The following TAOK1 variants were observed in gnomAD, a reference collection of about 807,000 sequenced individuals.
The protein encoded by TAOK1 is serine/threonine-protein kinase TAO1.
In TAOK1, 21 loss-of-function variants were observed where a neutral mutation model predicts 138.3. That is an observed-to-expected ratio of 0.15 (90% CI 0.11 to 0.22). The LOEUF (loss-of-function observed/expected upper bound fraction) is 0.22. Ranked by LOEUF, TAOK1 falls within the 10% of genes least tolerant of loss-of-function variation. The probability of loss-of-function intolerance (pLI) is 1.00; values close to 1 mark genes in which losing one functional copy is unlikely to be tolerated. For missense variants in TAOK1, 651 were observed against 1,227.7 expected (o/e 0.53, Z 7.02); for synonymous variants, 361 against 398.4 (o/e 0.91, Z 1.12).
intron 6 of TAOK1, among the ~76,000 whole-genome samples, chr17:29,478,717 A>G (rs1272832621): frequency 6.6e-6 from 1 of 152,174 alleles, no homozygotes; most frequent in African/African-American, 2.4e-5. Flanking sequence ...CTAATTTCCT[A>G]AAGGTTGCAA....
rs2032416461 is a variant in TAOK1 at position 29,547,236 on chromosome 17, T to G, written c.*4214T>G. 6.6e-6 allele frequency: 1 copy of G among 152,120 alleles called. No homozygotes were observed. The highest frequency in any genetic ancestry group is 1.5e-5 in the Non-Finnish European group (1 of 67,996). The allele number at this position is 152,120 out of a possible 1,614,324, so 9.4% of individuals were successfully genotyped here. ...TTTTTTACTCCATTAATACTAATAA[T>G]TATATACTTTGCTGAGGATCAAAAC... On this transcript the variant is annotated 3_prime_UTR_variant, in exon 20 of 20. Coordinates refer to ENST00000261716, the MANE Select transcript of TAOK1 (RefSeq NM_020791.4).
intron 17 of TAOK1, among the ~76,000 whole-genome samples, chr17:29,522,777 T>C (rs1456408427): frequency 1.3e-5 from 2 of 152,110 alleles, no homozygotes; most frequent in African/African-American, 4.8e-5. Flanking sequence ...AGATTCTTGT[T>C]TTAAACTTAT....
chr17:29,437,281 C>G (rs374531112), intron 1 of TAOK1, among the ~76,000 whole-genome samples: 10 of 152,210 alleles, frequency 6.6e-5, no homozygotes, highest in African/African-American at 2.2e-4. Flanking sequence ...CCAGGCTGGT[C>G]TCAAGCTCCT....
At position 29,550,842 on chromosome 17, in the gene TAOK1, C is replaced by A. The variant is rs1200138167; in HGVS notation, c.*7820C>A. 6.6e-6 allele frequency: 1 copy of A among 152,490 alleles called. No homozygotes were observed. The highest frequency in any genetic ancestry group is 6.6e-5 in the Admixed American group (1 of 15,266). 9.4% of individuals were successfully genotyped at this position (152,490 alleles called of 1,614,324 possible). On this transcript the variant is annotated 3_prime_UTR_variant, in exon 20 of 20. Coordinates refer to ENST00000261716, the MANE Select transcript of TAOK1 (RefSeq NM_020791.4). ...AAGAAAGAAATTAGTACATCATTTT[C>A]TCTGGATTTTCTTCACTTCCCTCTT...
At chr17:29,420,978 G>A (rs1161905237) in intron 1 of TAOK1, among the ~76,000 whole-genome samples, 1 of 151,818 alleles carries the variant, frequency 6.6e-6, no homozygotes, top group Non-Finnish European at 1.5e-5. Flanking sequence ...CATCTAGGCT[G>A]GAGTGCAGTG....
At chr17:29,419,608 C>A (rs924251369) in intron 1 of TAOK1, among the ~76,000 whole-genome samples, 38 of 151,620 alleles carry the variant, frequency 2.5e-4, no homozygotes, top group African/African-American at 9.2e-4. Flanking sequence ...TTCTCCACCT[C>A]AACCTCCTAA....
intron 19 of TAOK1, among the ~76,000 whole-genome samples, chr17:29,541,515 T>C (rs2032316660): frequency 1.3e-5 from 2 of 151,346 alleles, no homozygotes; most frequent in Non-Finnish European, 2.9e-5. Context: ...TTATCTCAAA[T>C]CCTCAATCCC....
intron 1 of TAOK1, among the ~76,000 whole-genome samples, chr17:29,392,870 T>C (rs113658571): frequency 6.6e-6 from 1 of 152,222 alleles, no homozygotes; most frequent in African/African-American, 2.4e-5. Context: ...TTTGTTGCAT[T>C]TTGAAACCTG....
At position 29,545,395 on chromosome 17, in the gene TAOK1, G is replaced by C. The variant is rs151157580; in HGVS notation, c.*2373G>C. On this transcript the variant is annotated 3_prime_UTR_variant, in exon 20 of 20. Coordinates refer to ENST00000261716, the MANE Select transcript of TAOK1 (RefSeq NM_020791.4). ...ACTGGATGGGTGGAATAGGGAAGCA[G>C]ATCACTTTTGCATACAAAAACTCTT... 10 of 152,284 alleles carry C rather than the reference G, an allele frequency of 6.6e-5. No homozygotes were observed. The highest frequency in any genetic ancestry group is 8.8e-5 in the Non-Finnish European group (6 of 68,018). 9.4% of individuals were successfully genotyped at this position (152,284 alleles called of 1,614,324 possible). A position where few individuals can be genotyped will look rare whatever the true frequency, so the allele number is the denominator to read the frequency against.
intron 6 of TAOK1, among the ~76,000 whole-genome samples, chr17:29,479,751 C>A (rs1404175350): frequency 2.0e-5 from 3 of 151,978 alleles, no homozygotes; most frequent in African/African-American, 7.2e-5. Flanking sequence ...GATGGACAGT[C>A]TTATTATATA....
chr17:29,526,224 A>G (rs1334144221), intron 17 of TAOK1, among the ~76,000 whole-genome samples: 3 of 151,950 alleles, frequency 2.0e-5, no homozygotes, highest in East Asian at 3.9e-4. Context: ...GGTGGAGGTT[A>G]CGGTGAGCCA....
At chr17:29,453,380 C>G (rs995006049) in intron 2 of TAOK1, among the ~76,000 whole-genome samples, 1 of 151,822 alleles carries the variant, frequency 6.6e-6, no homozygotes, top group Admixed American at 6.6e-5. Context: ...AAGATGGTCT[C>G]GATCTCCTAT....
intron 18 of TAOK1, 134 bp from the exon 19 acceptor site, chr17:29,533,984 A>G: frequency 2.2e-6 from 2 of 904,178 alleles, no homozygotes; most frequent in Non-Finnish European, 3.1e-6. Context: ...ACTCCAAGAT[A>G]CAAGAGAGAA....
At chr17:29,483,242 T>G (rs1227777616) in intron 8 of TAOK1, among the ~76,000 whole-genome samples, 1 of 152,026 alleles carries the variant, frequency 6.6e-6, no homozygotes, top group Non-Finnish European at 1.5e-5. Flanking sequence ...CACACCAGGC[T>G]AATTTTTGTA....
At chr17:29,492,752 A>G (rs994920702) in intron 10 of TAOK1, among the ~76,000 whole-genome samples, 1 of 152,164 alleles carries the variant, frequency 6.6e-6, no homozygotes, top group Admixed American at 6.5e-5. Flanking sequence ...AGATTGCACC[A>G]TTGCACTCCA....
At chr17:29,429,396 C>G (rs1051944949) in intron 1 of TAOK1, among the ~76,000 whole-genome samples, 4 of 151,894 alleles carry the variant, frequency 2.6e-5, no homozygotes, top group African/African-American at 9.7e-5. Context: ...GTGTCTCAGC[C>G]TCCCAAGTAG....
At chr17:29,431,455 T>TA (rs935641786) in intron 1 of TAOK1, among the ~76,000 whole-genome samples, 10 of 150,524 alleles carry the variant, frequency 6.6e-5, no homozygotes, top group African/African-American at 1.5e-4. Context: ...ATAAATAAAT[T>TA]AAAAAAAAAC....
At chr17:29,495,768 T>C in intron 11 of TAOK1, 41 bp downstream of exon 11, 1 of 1,461,308 alleles carries the variant, frequency 6.8e-7, no homozygotes, top group South Asian at 1.6e-5. Context: ...AATTTTCACT[T>C]TTGGTTTCTT....
chr17:29,407,910 C>T (rs1315594869), intron 1 of TAOK1, among the ~76,000 whole-genome samples: 1 of 152,108 alleles, frequency 6.6e-6, no homozygotes, highest in Non-Finnish European at 1.5e-5. Context: ...GCTCTGTCAC[C>T]CAGGCTGCTG....
Sources: gnomAD v4.1 joint callset for allele counts (sites outside exome capture counted in the v4.1 genomes callset) on GRCh38, gnomAD v4.1.1 for gene constraint, MANE v1.5 for transcripts, NCBI Gene and HGNC (gene_info 2026-07-23, HGNC 2026-07-21) for gene names.